Variants in SHQ1 observed in about 807,000 individuals in gnomAD.
SHQ1 encodes the protein SHQ1, H/ACA ribonucleoprotein assembly factor.
A neutral mutation model predicts 53.8 loss-of-function variants in SHQ1; 49 were observed. The observed-to-expected ratio is 0.91, with a 90% confidence interval of 0.72 to 1.16. The LOEUF (loss-of-function observed/expected upper bound fraction) is 1.16, where lower values mean the gene tolerates loss of function less well. Among genes scored for constraint, SHQ1 ranks in the 50% most tolerant of loss-of-function variants. The pLI, the probability that SHQ1 is intolerant of heterozygous loss-of-function variation, is 0.00. For missense variants in SHQ1, 738 were observed against 683.1 expected (o/e 1.08, Z -0.90); for synonymous variants, 243 against 251.0 (o/e 0.97, Z 0.30).
intron 10 of SHQ1, among the ~76,000 whole-genome samples, chr3:72,780,320 C>G (rs1454542732): frequency 6.6e-6 from 1 of 152,140 alleles, no homozygotes; most frequent in Non-Finnish European, 1.5e-5. Context: ...ATTCAGATCA[C>G]TAACTTATAC....
chr3:72,765,406 G>A (rs932096213), intron 10 of SHQ1, among the ~76,000 whole-genome samples: 6 of 149,330 alleles, frequency 4.0e-5, no homozygotes, highest in African/African-American at 1.5e-4. Flanking sequence ...CAGTGCATCA[G>A]GGCTGCATTT....
intron 5 of SHQ1, among the ~76,000 whole-genome samples, chr3:72,830,078 C>T (rs2106917449): frequency 6.7e-6 from 1 of 148,994 alleles, no homozygotes; most frequent in Non-Finnish European, 1.5e-5. Context: ...TCATCTGTTA[C>T]ATGCCCAGCA....
chr3:72,845,646 C>T (rs1708305780), intron 1 of SHQ1, among the ~76,000 whole-genome samples: 1 of 152,106 alleles, frequency 6.6e-6, no homozygotes, highest in African/African-American at 2.4e-5. Context: ...CTCATGTTGC[C>T]TAGATAATTT....
intron 4 of SHQ1, among the ~76,000 whole-genome samples, chr3:72,839,675 G>A (rs1458620272): frequency 2.0e-5 from 3 of 152,104 alleles, no homozygotes; most frequent in East Asian, 1.9e-4. Context: ...AGGTAGGAGC[G>A]GGACCAGAAC....
intron 4 of SHQ1, among the ~76,000 whole-genome samples, chr3:72,840,334 C>T (rs1216822836): frequency 1.3e-5 from 2 of 150,666 alleles, no homozygotes; most frequent in Non-Finnish European, 2.9e-5. Flanking sequence ...GAGGCCAAGG[C>T]AGGCAAATCA....
At chr3:72,771,893 T>G (rs930960867) in intron 10 of SHQ1, among the ~76,000 whole-genome samples, 2 of 152,248 alleles carry the variant, frequency 1.3e-5, no homozygotes, top group Non-Finnish European at 2.9e-5. Context: ...AGGACAACTT[T>G]TAAGCCCTCT....
At chr3:72,759,384 T>C (rs541705574) in intron 10 of SHQ1, among the ~76,000 whole-genome samples, 145 of 152,264 alleles carry the variant, frequency 9.5e-4, no homozygotes, top group Non-Finnish European at 1.8e-3. Flanking sequence ...TAAATAATGA[T>C]GATAAGGTTA....
Position 72,750,203 on chromosome 3 carries a change from A to G in SHQ1, c.*81T>C. 8.1e-7 allele frequency: 1 copy of G among 1,237,200 alleles called. No homozygotes were observed. Among genetic ancestry groups the G allele is most frequent in the Non-Finnish European group, 1.1e-6 (1 of 881,484 alleles). The allele number at this position is 1,237,200 out of a possible 1,614,324, so 76.6% of individuals were successfully genotyped here. A position where few individuals can be genotyped will look rare whatever the true frequency, so the allele number is the denominator to read the frequency against. ...TGACTATATACTAAGAAAAATTACA[A>G]AGTGAAAATGAAGAATTCTCATTCG... On this transcript the variant is annotated 3_prime_UTR_variant, in exon 11 of 11. Transcript: ENST00000325599.
At chr3:72,758,332 C>T (rs1314419605) in intron 10 of SHQ1, among the ~76,000 whole-genome samples, 1 of 152,106 alleles carries the variant, frequency 6.6e-6, no homozygotes, top group African/African-American at 2.4e-5. Flanking sequence ...TTATTTAAAC[C>T]ATATCTAGTT....
intron 9 of SHQ1, among the ~76,000 whole-genome samples, chr3:72,795,886 C>T (rs1418499661): frequency 2.0e-5 from 3 of 152,026 alleles, no homozygotes; most frequent in South Asian, 4.1e-4. Context: ...AGGCGGATTA[C>T]GAGGTCAGAA....
chr3:72,758,712 G>A (rs1705551591), intron 10 of SHQ1, among the ~76,000 whole-genome samples: 1 of 151,928 alleles, frequency 6.6e-6, no homozygotes, highest in South Asian at 2.1e-4. Context: ...TGGGATTACA[G>A]GCACTCACCA....
At chr3:72,824,862 C>A (rs1707601863) in intron 5 of SHQ1, among the ~76,000 whole-genome samples, 1 of 149,116 alleles carries the variant, frequency 6.7e-6, no homozygotes, top group Admixed American at 6.8e-5. Flanking sequence ...ACAGTAGTAA[C>A]ATAATCACAG....
chr3:72,768,354 T>C (rs1705776632), intron 10 of SHQ1, among the ~76,000 whole-genome samples: 1 of 152,160 alleles, frequency 6.6e-6, no homozygotes, highest in Admixed American at 6.5e-5. Context: ...AGATGGAGCC[T>C]GAGGAATACC....
At chr3:72,747,426 CT>C (rs1177078492), downstream of SHQ1, among the ~76,000 whole-genome samples, 1 of 152,202 alleles carries the variant, frequency 6.6e-6, no homozygotes, top group Admixed American at 6.5e-5. Flanking sequence ...GCTTTCCAAA[CT>C]CTGAACTTCA....
rs538674962 is a variant in SHQ1, at chr3:72,846,204, T to A, written c.144-1781A>T. The A allele has an allele frequency of 4.4e-5, 68 of 1,535,662 alleles. No homozygotes were observed. The African/African-American group carries it at 8.1e-4, about 18-fold the overall frequency. On this transcript the variant is annotated intron_variant, in intron 1 of 10. Coordinates refer to ENST00000325599, the MANE Select transcript of SHQ1 (RefSeq NM_018130.3). ...TAAATTCTTACTGCAGAGAAAATTA[T>A]ATTTGCTTACATGGGGCCTCCGCAG...
intron 10 of SHQ1, among the ~76,000 whole-genome samples, chr3:72,761,956 A>T (rs898523378): frequency 2.0e-5 from 3 of 152,274 alleles, no homozygotes; most frequent in Non-Finnish European, 4.4e-5. Flanking sequence ...CTCCATCAGA[A>T]TGACTCTCGC....
chr3:72,729,523 T>C, the SHQ1 span, among the ~76,000 whole-genome samples: 2 of 152,148 alleles, frequency 1.3e-5, no homozygotes, highest in Non-Finnish European at 2.9e-5. Context: ...ATAAAAGGCA[T>C]TGGCTCGAAA....
chr3:72,841,286 A>C (rs1320238357), intron 3 of SHQ1, 87 bp from the exon 4 acceptor site: 6 of 1,030,826 alleles, frequency 5.8e-6, no homozygotes, highest in Non-Finnish European at 7.0e-6. Context: ...ATGCCCACAA[A>C]GATGTACCAA....
At chr3:72,838,000 G>A (rs549008487) in intron 4 of SHQ1, among the ~76,000 whole-genome samples, 2 of 152,340 alleles carry the variant, frequency 1.3e-5, no homozygotes, top group South Asian at 4.1e-4. Flanking sequence ...TCAGCACAGT[G>A]CTATCCAAAT....
Sources: gnomAD v4.1 joint callset for allele counts (sites outside exome capture counted in the v4.1 genomes callset) on GRCh38, gnomAD v4.1.1 for gene constraint, MANE v1.5 for transcripts, NCBI Gene and HGNC (gene_info 2026-07-23, HGNC 2026-07-21) for gene names.